The following PTPRK variants were observed in gnomAD, a reference collection of about 807,000 sequenced individuals.
PTPRK encodes the protein protein tyrosine phosphatase receptor type K, also known as receptor-type tyrosine-protein phosphatase kappa.
Under a neutral mutation model 178.0 loss-of-function variants are expected in PTPRK, and 75 were observed. The observed-to-expected ratio is 0.42, with a 90% CI of 0.35 to 0.51. The LOEUF (loss-of-function observed/expected upper bound fraction) is 0.51. Ranked by LOEUF, PTPRK falls within the 20% of genes least tolerant of loss-of-function variation. The pLI is 0.02. For missense variants in PTPRK, 1,441 were observed against 1,797.8 expected, an observed-to-expected ratio of 0.80 and a Z score of 3.59; for synonymous variants, 637 against 620.6, an observed-to-expected ratio of 1.03 and a Z score of -0.39.
chr6:128,075,400 T>C (rs1280543621), intron 11 of PTPRK, among the ~76,000 whole-genome samples: 3 of 152,010 alleles, frequency 2.0e-5, no homozygotes, highest in Non-Finnish European at 4.4e-5. Flanking sequence ...CAGCTTCAGC[T>C]GCTGTCAATT....
chr6:128,114,154 T>C (rs1462111620), intron 7 of PTPRK, among the ~76,000 whole-genome samples: 1 of 152,012 alleles, frequency 6.6e-6, no homozygotes, highest in Non-Finnish European at 1.5e-5. Context: ...AGAACTACCT[T>C]AGACTAGGTA....
Position 128,028,686 on chromosome 6 carries a change from T to C in PTPRK, c.2195-19418A>G, listed in dbSNP as rs149617390. ...GGTTCTTTCACAATTCACAACTTCT[T>C]GAGAGCATGGAACATATCCTATGTA... On this transcript the variant is annotated intron_variant, in intron 13 of 29. Transcript: ENST00000368226. Among the ~76,000 whole-genome samples the C allele has an allele frequency of 3.6e-3, 553 of 152,336 alleles. 7 individuals are homozygous for C. Among genetic ancestry groups the C allele is most frequent in the Middle Eastern group, 0.034 (10 of 292 alleles).
chr6:128,094,539 C>G (rs62427862), intron 7 of PTPRK, among the ~76,000 whole-genome samples: 1 of 151,970 alleles, frequency 6.6e-6, no homozygotes, highest in Non-Finnish European at 1.5e-5. Context: ...AGAGAAAGTT[C>G]AAGAAGAGAC....
chr6:128,081,977 G>C (rs1449167838), intron 10 of PTPRK, among the ~76,000 whole-genome samples: 1 of 151,974 alleles, frequency 6.6e-6, no homozygotes, highest in Non-Finnish European at 1.5e-5. Flanking sequence ...TTTTAAGTGT[G>C]AAAGAAAAGC....
chr6:128,057,331 A>G (rs542264590), intron 13 of PTPRK, among the ~76,000 whole-genome samples: 6 of 152,306 alleles, frequency 3.9e-5, no homozygotes, highest in African/African-American at 4.8e-5. Flanking sequence ...TGCAAAGTTG[A>G]CCTTGGACTG....
At chr6:128,078,792 A>G (rs1427652564) in intron 11 of PTPRK, 21 bp downstream of exon 11, 1 of 1,541,366 alleles carries the variant, frequency 6.5e-7, no homozygotes, top group South Asian at 1.1e-5. Flanking sequence ...AGGCAGAACT[A>G]CTGTAGTTTT....
intron 19 of PTPRK, 37 bp downstream of exon 19, chr6:127,992,636 T>C: frequency 6.5e-7 from 1 of 1,548,556 alleles, no homozygotes; most frequent in Non-Finnish European, 8.7e-7. Flanking sequence ...TAAGCAAGTT[T>C]GTTTTTTCTA....
chr6:128,292,687 A>G (rs941187268), intron 3 of PTPRK, among the ~76,000 whole-genome samples: 4 of 152,052 alleles, frequency 2.6e-5, no homozygotes, highest in Non-Finnish European at 5.9e-5. Flanking sequence ...CCGTCCTATG[A>G]ATTCTTTCTT....
chr6:128,499,652 G>A (rs917735240), intron 1 of PTPRK, among the ~76,000 whole-genome samples: 1 of 152,178 alleles, frequency 6.6e-6, no homozygotes. Flanking sequence ...TATGAGAGAA[G>A]TATAGTAACT....
intron 7 of PTPRK, among the ~76,000 whole-genome samples, chr6:128,096,647 T>C (rs774870174): frequency 1.8e-4 from 27 of 152,288 alleles, no homozygotes; most frequent in Non-Finnish European, 1.9e-4. Flanking sequence ...AAAGTTCTTG[T>C]CAAAGATGTA....
chr6:128,184,785 A>G (rs1456512463), intron 6 of PTPRK, 60 bp from the exon 7 acceptor site: 3 of 1,495,542 alleles, frequency 2.0e-6, no homozygotes, highest in African/African-American at 1.4e-5. Flanking sequence ...AAGATATATT[A>G]GTGTCTAATA....
chr6:128,244,711 T>C (rs1217279252), intron 3 of PTPRK, among the ~76,000 whole-genome samples: 1 of 152,248 alleles, frequency 6.6e-6, no homozygotes, highest in Non-Finnish European at 1.5e-5. Flanking sequence ...GATCAGGCTA[T>C]GGTTCTAGCT....
chr6:128,474,503 T>G (rs1851126884), intron 1 of PTPRK, among the ~76,000 whole-genome samples: 1 of 151,804 alleles, frequency 6.6e-6, no homozygotes, highest in South Asian at 2.1e-4. Context: ...TGGCAAGGAG[T>G]TGGCAACATA....
chr6:128,449,585 CT>C (rs1163371455), intron 1 of PTPRK, among the ~76,000 whole-genome samples: 1 of 152,138 alleles, frequency 6.6e-6, no homozygotes, highest in Non-Finnish European at 1.5e-5. Flanking sequence ...CTCATCTCTG[CT>C]CTCTAGGTAA....
At chr6:128,188,547 A>C (rs1803161596) in intron 6 of PTPRK, among the ~76,000 whole-genome samples, 1 of 152,170 alleles carries the variant, frequency 6.6e-6, no homozygotes, top group African/African-American at 2.4e-5. Context: ...CCTTGACATA[A>C]AGTATCGTAA....
Position 128,255,370 on chromosome 6 carries a change from G to A in PTPRK, c.496-12768C>T, listed in dbSNP as rs138520034. Among the ~76,000 whole-genome samples, 7 of 152,272 alleles carry A rather than the reference G, an allele frequency of 4.6e-5. No homozygotes were observed. The East Asian group carries it at 5.8e-4, about 13-fold the overall frequency. Reference sequence around the variant, plus strand: ...CAATATGGGAGATGGTGAAAAAGACGAGGGAAAGCATTAATTTTATTGGCA... The same window carrying A: ...CAATATGGGAGATGGTGAAAAAGACAAGGGAAAGCATTAATTTTATTGGCA... On this transcript the variant is annotated intron_variant, in intron 3 of 29. Transcript: ENST00000368226.
chr6:128,501,680 C>G (rs900295074), intron 1 of PTPRK, among the ~76,000 whole-genome samples: 2 of 152,120 alleles, frequency 1.3e-5, no homozygotes, highest in African/African-American at 4.8e-5. Flanking sequence ...AAACAACATT[C>G]CACTTTTCTA....
intron 7 of PTPRK, among the ~76,000 whole-genome samples, chr6:128,109,217 A>C (rs1010834818): frequency 2.0e-5 from 3 of 152,172 alleles, no homozygotes; most frequent in Non-Finnish European, 4.4e-5. Flanking sequence ...TGCTTGTCAT[A>C]CTTGCCCTTT....
chr6:128,465,504 A>C (rs949334117), intron 1 of PTPRK, among the ~76,000 whole-genome samples: 7 of 152,180 alleles, frequency 4.6e-5, no homozygotes, highest in African/African-American at 9.7e-5. Context: ...AAAATGTAAA[A>C]ATTATGGAAA....
Sources: allele counts gnomAD v4.1 joint callset (sites outside exome capture counted in the v4.1 genomes callset), GRCh38; gene constraint gnomAD v4.1.1; transcripts MANE v1.5; gene names NCBI Gene and HGNC (gene_info 2026-07-23, HGNC 2026-07-21).